AGBL4: variants seen among roughly 807,000 people sequenced by gnomAD.
The protein encoded by AGBL4 is AGBL carboxypeptidase 4.
A neutral mutation model predicts 66.4 loss-of-function variants in AGBL4; 58 were observed. That is an observed-to-expected ratio of 0.87 (90% CI 0.71 to 1.09). AGBL4 has a LOEUF of 1.09. Among genes scored for constraint, AGBL4 ranks in the 50% least tolerant of loss-of-function variants. The pLI, the probability that AGBL4 is intolerant of heterozygous loss-of-function variation, is 0.00. For missense variants in AGBL4, 579 were observed against 631.0 expected (o/e 0.92, Z 0.88); for synonymous variants, 234 against 222.9 (o/e 1.05, Z -0.44).
At chr1:49,887,390 C>T (rs1648180686) in intron 1 of AGBL4, among the ~76,000 whole-genome samples, 2 of 151,536 alleles carry the variant, frequency 1.3e-5, no homozygotes, top group South Asian at 4.2e-4. Flanking sequence ...TCAGTAGCTA[C>T]CCACAAGACA....
chr1:49,104,100 C>T (rs1036224605), intron 4 of AGBL4, among the ~76,000 whole-genome samples: 2 of 152,122 alleles, frequency 1.3e-5, no homozygotes, highest in Non-Finnish European at 2.9e-5. Flanking sequence ...ATCTCGCCAA[C>T]CTCTCTGACT....
chr1:49,125,341 A>G (rs1221734133), intron 4 of AGBL4, among the ~76,000 whole-genome samples: 1 of 152,124 alleles, frequency 6.6e-6, no homozygotes, highest in Non-Finnish European at 1.5e-5. Flanking sequence ...TGTTTTATAG[A>G]TGGCGAAATG....
chr1:49,775,671 A>G (rs1325374640), intron 2 of AGBL4, among the ~76,000 whole-genome samples: 1 of 152,098 alleles, frequency 6.6e-6, no homozygotes, highest in African/African-American at 2.4e-5. Flanking sequence ...CTTGAGGGCA[A>G]GGACTATGTA....
chr1:48,542,911 G>A (rs555820404), intron 11 of AGBL4, among the ~76,000 whole-genome samples: 5 of 152,122 alleles, frequency 3.3e-5, no homozygotes, highest in East Asian at 1.9e-4. Context: ...GAAGTCTTTC[G>A]TGCTGGGCAA....
At chr1:49,833,509 G>A (rs1407213582) in intron 2 of AGBL4, among the ~76,000 whole-genome samples, 5 of 152,022 alleles carry the variant, frequency 3.3e-5, no homozygotes, top group Non-Finnish European at 7.4e-5. Context: ...CTTTAAAGTA[G>A]TTTTTTCCAA....
chr1:49,658,115 A>G (rs1201885278), intron 3 of AGBL4, among the ~76,000 whole-genome samples: 1 of 152,290 alleles, frequency 6.6e-6, no homozygotes, highest in Non-Finnish European at 1.5e-5. Flanking sequence ...TCATCTGACA[A>G]ACGGCTAATC....
chr1:49,111,900 C>G (rs1645419876), intron 4 of AGBL4, among the ~76,000 whole-genome samples: 1 of 152,160 alleles, frequency 6.6e-6, no homozygotes, highest in Non-Finnish European at 1.5e-5. Context: ...TGTAAGCTTT[C>G]TAAGGACAAT....
intron 3 of AGBL4, among the ~76,000 whole-genome samples, chr1:49,695,033 T>C (rs1019830002): frequency 3.3e-5 from 5 of 152,080 alleles, no homozygotes; most frequent in African/African-American, 1.2e-4. Flanking sequence ...AAGAACACAA[T>C]GAGGATAGAT....
chr1:48,590,741 G>A, intron 10 of AGBL4, 92 bp downstream of exon 10: 1 of 1,391,040 alleles, frequency 7.2e-7, no homozygotes, highest in Non-Finnish European at 9.6e-7. Flanking sequence ...GGTGTCCCGT[G>A]GAGCTTAAAG....
At chr1:49,493,691 A>G (rs1387442475) in intron 3 of AGBL4, among the ~76,000 whole-genome samples, 1 of 152,056 alleles carries the variant, frequency 6.6e-6, no homozygotes, top group Non-Finnish European at 1.5e-5. Flanking sequence ...CCTTCTCATA[A>G]GAACTTGTAG....
intron 4 of AGBL4, among the ~76,000 whole-genome samples, chr1:49,103,962 G>A (rs673702): frequency 0.68 from 102,686 of 151,920 alleles, 35,318 homozygotes; most frequent in African/African-American, 0.75. Context: ...AAATCCCTTA[G>A]TGATTGGGTC....
chr1:49,332,778 G>GA (rs34278648), intron 3 of AGBL4, among the ~76,000 whole-genome samples: 1 of 152,082 alleles, frequency 6.6e-6, no homozygotes, highest in East Asian at 1.9e-4. Context: ...ATACGTACCT[G>GA]AAAAAACTAT....
intron 9 of AGBL4, among the ~76,000 whole-genome samples, chr1:48,595,807 C>G (rs1466664192): frequency 1.3e-5 from 2 of 152,130 alleles, no homozygotes; most frequent in Non-Finnish European, 2.9e-5. Context: ...TGGCACAGGC[C>G]AAAACCTGAG....
intron 3 of AGBL4, among the ~76,000 whole-genome samples, chr1:49,542,184 G>A (rs1182666334): frequency 6.6e-6 from 1 of 152,192 alleles, no homozygotes; most frequent in Non-Finnish European, 1.5e-5. Flanking sequence ...CCAATCAGTA[G>A]GATGTGGGTG....
intron 3 of AGBL4, among the ~76,000 whole-genome samples, chr1:49,653,898 C>T (rs1646060636): frequency 6.6e-6 from 1 of 151,888 alleles, no homozygotes; most frequent in Admixed American, 6.6e-5. Context: ...CAAAAACACA[C>T]TTCAGGATAT....
chr1:49,856,080 A>C (rs1646425529), intron 1 of AGBL4, among the ~76,000 whole-genome samples: 2 of 152,110 alleles, frequency 1.3e-5, no homozygotes, highest in South Asian at 4.1e-4. Context: ...CCATAGAAAT[A>C]CAAAGGACCA....
intron 4 of AGBL4, among the ~76,000 whole-genome samples, chr1:49,081,429 T>A (rs906852381): frequency 1.3e-5 from 2 of 152,238 alleles, no homozygotes; most frequent in Non-Finnish European, 2.9e-5. Flanking sequence ...TAGGATTGTT[T>A]GAGAATTGTG....
At position 49,948,169 on chromosome 1, in the gene AGBL4, A is replaced by AATAT. The variant is rs1220382869; in HGVS notation, c.34+75590_34+75593dup. Among the ~76,000 whole-genome samples the AATAT allele has an allele frequency of 2.9e-5, 3 of 102,358 alleles. No homozygotes were observed. The South Asian group carries it at 8.8e-4, about 30-fold the overall frequency. The allele number at this position is 102,358 out of a possible 152,430, so 67.2% of individuals were successfully genotyped here. On this transcript the variant is annotated intron_variant, in intron 1 of 13. Transcript: ENST00000371839. ...ATATATAAATATACGTAAATATATAAATATATATAACTATATATAAATATA... is the reference window on the plus strand; with the variant it reads ...ATATATAAATATACGTAAATATATAAATATATATATATAACTATATATAAATATA...
At chr1:50,016,641 C>G (rs1482630259) in intron 1 of AGBL4, among the ~76,000 whole-genome samples, 1 of 152,042 alleles carries the variant, frequency 6.6e-6, no homozygotes, top group Admixed American at 6.6e-5. Context: ...ATGTGGCCAA[C>G]AAGCAATGCT....
Sources: allele counts gnomAD v4.1 joint callset (sites outside exome capture counted in the v4.1 genomes callset), GRCh38; gene constraint gnomAD v4.1.1; transcripts MANE v1.5; gene names NCBI Gene and HGNC (gene_info 2026-07-23, HGNC 2026-07-21).